The following SDK1 variants were observed in gnomAD, a reference collection of about 807,000 sequenced individuals.
The protein encoded by SDK1 is sidekick cell adhesion molecule 1.
In SDK1, 157 loss-of-function variants were observed where a neutral mutation model predicts 245.5. The ratio of observed to expected loss-of-function variants is 0.64; its 90% CI spans 0.56 to 0.73. SDK1 has a LOEUF of 0.73. SDK1 is among the 30% of genes least tolerant of loss of function. The pLI is 0.00. For missense variants in SDK1, 3,583 were observed against 3,002.3 expected (o/e 1.19, Z -4.52); for synonymous variants, 1,647 against 1,278.5 (o/e 1.29, Z -6.15).
At chr7:4,094,096 G>T (rs1781986946) in intron 22 of SDK1, among the ~76,000 whole-genome samples, 1 of 152,006 alleles carries the variant, frequency 6.6e-6, no homozygotes, top group Admixed American at 6.6e-5. Context: ...TCATTCCGTT[G>T]CCCAGGCTGG....
At chr7:3,965,431 G>A (rs2128130868) in intron 9 of SDK1, among the ~76,000 whole-genome samples, 1 of 152,322 alleles carries the variant, frequency 6.6e-6, no homozygotes, top group African/African-American at 2.4e-5. Context: ...GGCAGTGAGT[G>A]AGTGAACAAA....
intron 4 of SDK1, among the ~76,000 whole-genome samples, chr7:3,803,902 C>T (rs1779174174): frequency 6.6e-6 from 1 of 151,874 alleles, no homozygotes; most frequent in Admixed American, 6.6e-5. Flanking sequence ...GTAGCTGGGA[C>T]TACAGGCACC....
At position 3,525,820 on chromosome 7, in the gene SDK1, A is replaced by G. The variant is rs10256110; in HGVS notation, c.299-93260A>G. 2.1e-3 allele frequency among the ~76,000 whole-genome samples: 324 copies of G among 152,310 alleles called. 4 individuals are homozygous for G. The highest frequency in any genetic ancestry group is 7.5e-3 in the African/African-American group (311 of 41,576). Reference sequence around the variant, plus strand: ...TTCTTTGAGAAATAAAAAAATATCAATTTTAGTGTAATAATTTGTCTTATT... The same window carrying G: ...TTCTTTGAGAAATAAAAAAATATCAGTTTTAGTGTAATAATTTGTCTTATT... On this transcript the variant is annotated intron_variant, in intron 1 of 44. Coordinates refer to ENST00000404826, the MANE Select transcript of SDK1 (RefSeq NM_152744.4).
At chr7:3,831,674 T>G (rs559221829) in intron 5 of SDK1, among the ~76,000 whole-genome samples, 2 of 152,210 alleles carry the variant, frequency 1.3e-5, no homozygotes, top group South Asian at 4.2e-4. Flanking sequence ...CAAAGCATAA[T>G]GAAGGCTTAT....
At chr7:3,591,623 G>C (rs555264351) in intron 1 of SDK1, among the ~76,000 whole-genome samples, 1 of 152,344 alleles carries the variant, frequency 6.6e-6, no homozygotes, top group Admixed American at 6.5e-5. Context: ...TATCTTGGTA[G>C]ATTTGCAGTG....
intron 1 of SDK1, among the ~76,000 whole-genome samples, chr7:3,570,300 C>T (rs927775884): frequency 1.3e-5 from 2 of 152,228 alleles, no homozygotes; most frequent in South Asian, 4.1e-4. Context: ...GGAGTGTGCA[C>T]CCTAGATCCC....
chr7:3,722,887 C>G (rs1452777293), intron 4 of SDK1, among the ~76,000 whole-genome samples: 1 of 152,260 alleles, frequency 6.6e-6, no homozygotes, highest in Non-Finnish European at 1.5e-5. Context: ...AGGACATATG[C>G]TTTCCCCAAG....
chr7:3,861,512 C>A (rs1780691893), intron 5 of SDK1, among the ~76,000 whole-genome samples: 2 of 151,856 alleles, frequency 1.3e-5, no homozygotes, highest in Non-Finnish European at 2.9e-5. Flanking sequence ...TTGGGTGCCA[C>A]CAAAAATAAA....
In SDK1 at chr7:4,183,835, C is replaced by A. The variant is rs147771095; in HGVS notation, c.5098+5249C>A. On this transcript the variant is annotated intron_variant, in intron 35 of 44. Coordinates refer to ENST00000404826, the MANE Select transcript of SDK1 (RefSeq NM_152744.4). ...AAACTAAAAAGTAAATTCCTAGACACGGCCCCTGCATCCAGGTCTCTGCTC... is the reference window on the plus strand; with the variant it reads ...AAACTAAAAAGTAAATTCCTAGACAAGGCCCCTGCATCCAGGTCTCTGCTC... Among the ~76,000 whole-genome samples the A allele has an allele frequency of 1.6e-3, 242 of 152,244 alleles. 6 individuals are homozygous for A. In the East Asian group the frequency reaches 0.024, roughly 15 times the overall value.
chr7:3,910,620 T>C (rs1779130632), intron 5 of SDK1, among the ~76,000 whole-genome samples: 1 of 152,152 alleles, frequency 6.6e-6, no homozygotes, highest in South Asian at 2.1e-4. Context: ...AGTCTTGTTT[T>C]TTGCATAAGT....
At chr7:4,127,922 T>G (rs58830053) in intron 26 of SDK1, among the ~76,000 whole-genome samples, 32,286 of 152,132 alleles carry the variant, frequency 0.21, 4,768 homozygotes, top group East Asian at 0.77. Context: ...CTTGCTCATG[T>G]GAAGGGCTGG....
At chr7:3,898,293 G>C (rs1169526587) in intron 5 of SDK1, among the ~76,000 whole-genome samples, 1 of 152,194 alleles carries the variant, frequency 6.6e-6, no homozygotes, top group South Asian at 2.1e-4. Flanking sequence ...TTTCCAACAG[G>C]TGCAAAGATT....
intron 22 of SDK1, among the ~76,000 whole-genome samples, chr7:4,094,629 C>T (rs1048228321): frequency 6.6e-6 from 1 of 152,302 alleles, no homozygotes; most frequent in African/African-American, 2.4e-5. Context: ...AGCAAAGGAC[C>T]GGGACCTCAG....
chr7:4,023,053 T>C (rs931462974), intron 17 of SDK1, among the ~76,000 whole-genome samples: 2 of 152,120 alleles, frequency 1.3e-5, no homozygotes, highest in Admixed American at 6.6e-5. Flanking sequence ...GGATTACAGG[T>C]GTGAGCCAAC....
intron 41 of SDK1, among the ~76,000 whole-genome samples, chr7:4,234,844 A>G (rs372234019): frequency 6.6e-6 from 1 of 152,296 alleles, no homozygotes; most frequent in Non-Finnish European, 1.5e-5. Flanking sequence ...TCTCAGCAGC[A>G]TGAAGGGCAG....
In SDK1 at chr7:3,950,945, C is replaced by A; in HGVS notation, c.870C>A (p.Thr290=). The A allele has an allele frequency of 1.9e-6, 3 of 1,613,944 alleles. No individual in the cohort carries two copies. Among genetic ancestry groups the A allele is most frequent in the African/African-American group, 1.3e-5 (1 of 74,970 alleles). ...SIARDVGTPE[T]MAPTIVVPPG... ...CAGGAGATGTTGGCACACCTGAAAC[C>A]ATGGCCCCAACCATTGTGGTTCCCC... The change falls in exon 6 of 45, where the codon ACC becomes ACA. Residue 290 remains threonine, a synonymous_variant. Transcript: ENST00000404826.
chr7:3,889,046 C>G (rs1262709530), intron 5 of SDK1, among the ~76,000 whole-genome samples: 2 of 152,288 alleles, frequency 1.3e-5, no homozygotes, highest in African/African-American at 4.8e-5. Context: ...AGGATCCTGA[C>G]ATAATCAACC....
At chr7:3,318,058 T>C (rs1196240123) in intron 1 of SDK1, among the ~76,000 whole-genome samples, 1 of 152,196 alleles carries the variant, frequency 6.6e-6, no homozygotes, top group Non-Finnish European at 1.5e-5. Flanking sequence ...GCTGATATTT[T>C]ATGCATATAC....
chr7:3,860,177 C>G (rs1780657010), intron 5 of SDK1, among the ~76,000 whole-genome samples: 1 of 152,134 alleles, frequency 6.6e-6, no homozygotes, highest in African/African-American at 2.4e-5. Flanking sequence ...GCCTCAGCCT[C>G]CCAGAGTGAT....
Sources: gnomAD v4.1 joint callset for allele counts (sites outside exome capture counted in the v4.1 genomes callset) on GRCh38, gnomAD v4.1.1 for gene constraint, MANE v1.5 for transcripts, NCBI Gene and HGNC (gene_info 2026-07-23, HGNC 2026-07-21) for gene names.